Variants in UGGT2 observed in about 807,000 individuals in gnomAD.
The protein encoded by UGGT2 is UDP-glucose:glycoprotein glucosyltransferase 2.
Under a neutral mutation model 192.1 loss-of-function variants are expected in UGGT2, and 180 were observed. The ratio of observed to expected loss-of-function variants is 0.94; its 90% confidence interval spans 0.83 to 1.06. UGGT2 has a LOEUF of 1.06. Among genes scored for constraint, UGGT2 ranks in the 50% least tolerant of loss-of-function variants. The probability of loss-of-function intolerance (pLI) is 0.00; values close to 1 mark genes in which losing one functional copy is unlikely to be tolerated. For missense variants in UGGT2, 1,849 were observed against 1,795.7 expected, an observed-to-expected ratio of 1.03 and a Z score of -0.54; for synonymous variants, 580 against 591.0, an observed-to-expected ratio of 0.98 and a Z score of 0.27.
chr13:95,993,840 G>C (rs781677358), intron 7 of UGGT2, among the ~76,000 whole-genome samples: 28 of 151,944 alleles, frequency 1.8e-4, no homozygotes, highest in South Asian at 6.2e-4. Flanking sequence ...CCTGGATAAA[G>C]AAATCATAAA....
intron 7 of UGGT2, among the ~76,000 whole-genome samples, chr13:95,993,717 C>T (rs2140908563): frequency 6.6e-6 from 1 of 152,294 alleles, no homozygotes; most frequent in East Asian, 1.9e-4. Flanking sequence ...TCCTTACTGT[C>T]TATAGTTATC....
intron 29 of UGGT2, among the ~76,000 whole-genome samples, chr13:95,876,618 A>AT (rs1333009085): frequency 2.6e-5 from 4 of 152,190 alleles, no homozygotes; most frequent in African/African-American, 9.7e-5. Context: ...CCAAGGGGGT[A>AT]TCTCTCCAGC....
chr13:95,885,776 A>G (rs927932130), intron 26 of UGGT2, among the ~76,000 whole-genome samples: 2 of 152,222 alleles, frequency 1.3e-5, no homozygotes, highest in African/African-American at 4.8e-5. Context: ...TCAAAGAAAA[A>G]GTATTCTCTG....
intron 33 of UGGT2, among the ~76,000 whole-genome samples, chr13:95,859,107 A>C (rs995714992): frequency 1.1e-4 from 16 of 152,150 alleles, no homozygotes; most frequent in African/African-American, 3.4e-4. Context: ...TGATCACCTG[A>C]AATCTTCTAA....
At chr13:95,932,466 T>TA (rs1389174663) in intron 17 of UGGT2, among the ~76,000 whole-genome samples, 1 of 152,126 alleles carries the variant, frequency 6.6e-6, no homozygotes, top group Non-Finnish European at 1.5e-5. Context: ...AAACTTTACT[T>TA]AAGTAATTTA....
chr13:95,854,268 C>T (rs1889353096), intron 35 of UGGT2, 47 bp downstream of exon 35: 2 of 1,546,550 alleles, frequency 1.3e-6, no homozygotes, highest in African/African-American at 2.8e-5. Flanking sequence ...AGTTGCAATT[C>T]AATACATTAC....
At chr13:95,984,634 C>CAT (rs1260688168) in intron 9 of UGGT2, among the ~76,000 whole-genome samples, 1 of 152,132 alleles carries the variant, frequency 6.6e-6, no homozygotes, top group Non-Finnish European at 1.5e-5. Context: ...CCAGCCTATT[C>CAT]ACTCTTGAAG....
At chr13:95,924,607 A>C (rs2048962503) in intron 20 of UGGT2, among the ~76,000 whole-genome samples, 1 of 151,900 alleles carries the variant, frequency 6.6e-6, no homozygotes, top group Non-Finnish European at 1.5e-5. Context: ...TTTCATACTG[A>C]ATAGAAGTTA....
intron 13 of UGGT2, among the ~76,000 whole-genome samples, chr13:95,949,123 G>C (rs1468383038): frequency 6.6e-6 from 1 of 152,128 alleles, no homozygotes; most frequent in Non-Finnish European, 1.5e-5. Flanking sequence ...CCCAGTCTCA[G>C]GTATGTCTTT....
At chr13:95,950,707 AC>A (rs2050034407) in intron 12 of UGGT2, among the ~76,000 whole-genome samples, 1 of 151,814 alleles carries the variant, frequency 6.6e-6, no homozygotes, top group African/African-American at 2.4e-5. Flanking sequence ...AAAAATTTTG[AC>A]AGAACTAAAA....
rs905671156 is a variant in UGGT2 at position 95,801,877 on chromosome 13, T to C, written c.4529-65A>G. 234 of 1,585,754 alleles carry C rather than the reference T, an allele frequency of 1.5e-4. 2 individuals carry two copies. The highest frequency in any genetic ancestry group is 1.5e-3 in the South Asian group (132 of 89,812). The stretch of plus-strand genomic sequence containing the variant: ...AACATAAAAATATCTTAAATATTAC[T>C]TACATATGATGAGGAAGCACCGGTA... On this transcript the variant is annotated intron_variant, in intron 38 of 38. Transcript: ENST00000376747.
chr13:95,877,901 A>G lies in UGGT2; in HGVS notation c.3229-45T>C, dbSNP rs1183280358. 5 of 1,532,760 alleles carry G rather than the reference A, an allele frequency of 3.3e-6. No homozygotes were observed. The African/African-American group carries it at 4.2e-5, about 13-fold the overall frequency. 94.9% of individuals were successfully genotyped at this position (1,532,760 alleles called of 1,614,324 possible). A position where few individuals can be genotyped will look rare whatever the true frequency, so the allele number is the denominator to read the frequency against. ...TTGTTTTTGGTGTTATGTAAAACTC[A>G]TAATACAAAATTTTGAAATAAATAA... On this transcript the variant is annotated intron_variant, in intron 27 of 38. Transcript: ENST00000376747.
intron 12 of UGGT2, among the ~76,000 whole-genome samples, chr13:95,969,355 A>T (rs904855197): frequency 5.3e-5 from 8 of 152,296 alleles, no homozygotes; most frequent in African/African-American, 1.4e-4. Context: ...CATGAATATA[A>T]CAACTTCTGG....
chr13:95,928,210 G>C (rs1484124233), intron 17 of UGGT2, among the ~76,000 whole-genome samples: 1 of 152,162 alleles, frequency 6.6e-6, no homozygotes, highest in Non-Finnish European at 1.5e-5. Flanking sequence ...CGGCCGGGCA[G>C]AGGCGCCCCC....
chr13:95,954,064 C>T (rs754555835), intron 12 of UGGT2, among the ~76,000 whole-genome samples: 2 of 152,050 alleles, frequency 1.3e-5, no homozygotes, highest in Non-Finnish European at 2.9e-5. Flanking sequence ...ACATGATGCT[C>T]CAAGTAGAAA....
chr13:96,047,266 C>T (rs1463721307), intron 1 of UGGT2, among the ~76,000 whole-genome samples: 1 of 152,146 alleles, frequency 6.6e-6, no homozygotes, highest in Admixed American at 6.5e-5. Context: ...CCCTCTGAGA[C>T]GAAGCTTCCA....
intron 38 of UGGT2, among the ~76,000 whole-genome samples, chr13:95,814,218 T>C (rs1220924546): frequency 6.6e-6 from 1 of 152,138 alleles, no homozygotes; most frequent in East Asian, 1.9e-4. Flanking sequence ...CCCAAAACAG[T>C]AGATCCACTG....
At chr13:95,831,271 TATAATA>T (rs200010292) in intron 38 of UGGT2, among the ~76,000 whole-genome samples, 1 of 152,024 alleles carries the variant, frequency 6.6e-6, no homozygotes, top group South Asian at 2.1e-4. Context: ...GAACTTAAAG[TATAATA>T]ATAATAAAAA....
At chr13:95,818,992 T>C (rs1181888671) in intron 38 of UGGT2, among the ~76,000 whole-genome samples, 1 of 152,148 alleles carries the variant, frequency 6.6e-6, no homozygotes, top group Non-Finnish European at 1.5e-5. Context: ...AGGATCCTCC[T>C]GTGCTCCAAG....
Sources: gnomAD v4.1 joint callset for allele counts (sites outside exome capture counted in the v4.1 genomes callset) on GRCh38, gnomAD v4.1.1 for gene constraint, MANE v1.5 for transcripts, NCBI Gene and HGNC (gene_info 2026-07-23, HGNC 2026-07-21) for gene names.